Variants in FAM174A observed in about 807,000 individuals in gnomAD.
The protein encoded by FAM174A is family with sequence similarity 174 member A.
In FAM174A, 14 loss-of-function variants were observed where a neutral mutation model predicts 14.3. The ratio of observed to expected loss-of-function variants is 0.98; its 90% CI spans 0.65 to 1.53. The LOEUF (loss-of-function observed/expected upper bound fraction) is 1.53. FAM174A is among the 40% of genes most tolerant of loss of function. The pLI is 0.00. For synonymous variants in FAM174A, 108 were observed against 111.4 expected, an observed-to-expected ratio of 0.97 and a Z score of 0.19; for missense variants, 241 against 249.6, an observed-to-expected ratio of 0.97 and a Z score of 0.23.
intron 2 of FAM174A, among the ~76,000 whole-genome samples, chr5:100,580,430 G>A (rs1561325025): frequency 6.6e-6 from 1 of 152,168 alleles, no homozygotes; most frequent in African/African-American, 2.4e-5. Flanking sequence ...CCATGTGCAG[G>A]CTGAGGAGCA....
chr5:100,573,266 A>G (rs1561322842), intron 2 of FAM174A, among the ~76,000 whole-genome samples: 1 of 151,540 alleles, frequency 6.6e-6, no homozygotes, highest in Non-Finnish European at 1.5e-5. Flanking sequence ...ATTAGATCCC[A>G]TTTGTCAATT....
At chr5:100,536,646 G>A (rs2112359786) in intron 1 of FAM174A, among the ~76,000 whole-genome samples, 1 of 152,298 alleles carries the variant, frequency 6.6e-6, no homozygotes, top group East Asian at 1.9e-4. Context: ...AGCCAGCAAA[G>A]AGATAAGGTG....
chr5:100,549,956 A>G (rs535996755), intron 1 of FAM174A, among the ~76,000 whole-genome samples: 53 of 152,238 alleles, frequency 3.5e-4, no homozygotes, highest in African/African-American at 1.1e-3. Context: ...GATGGCAGGA[A>G]TATCTTTAGC....
chr5:100,541,519 A>G (rs928920719), intron 1 of FAM174A, among the ~76,000 whole-genome samples: 4 of 151,990 alleles, frequency 2.6e-5, no homozygotes, highest in African/African-American at 9.7e-5. Context: ...GAAGTATTGG[A>G]TGAGAGCTGT....
Position 100,581,323 on chromosome 5 carries a change from A to G in FAM174A, c.570-4858A>G, listed in dbSNP as rs565535504. ...AATCCTTAGCTACTTTTCTCATACCATATTGATTCTCCACTTTTTTCAGAC... is the reference window on the plus strand; with the variant it reads ...AATCCTTAGCTACTTTTCTCATACCGTATTGATTCTCCACTTTTTTCAGAC... On this transcript the variant is annotated intron_variant, in intron 2 of 2. Coordinates refer to ENST00000312637, the MANE Select transcript of FAM174A (RefSeq NM_198507.3). The G allele has an allele frequency of 1.2e-4, 119 of 956,866 alleles. No individual in the cohort carries two copies. The African/African-American group carries it at 1.9e-3, about 15-fold the overall frequency. 59.3% of individuals were successfully genotyped at this position (956,866 alleles called of 1,614,324 possible). A position where few individuals can be genotyped will look rare whatever the true frequency, so the allele number is the denominator to read the frequency against.
At chr5:100,585,028 A>G (rs1462285632) in intron 2 of FAM174A, among the ~76,000 whole-genome samples, 1 of 152,182 alleles carries the variant, frequency 6.6e-6, no homozygotes, top group African/African-American at 2.4e-5. Flanking sequence ...ATCATGAGAG[A>G]TCACTTTTAC....
At chr5:100,563,324 G>A (rs1253702734) in intron 2 of FAM174A, among the ~76,000 whole-genome samples, 1 of 151,420 alleles carries the variant, frequency 6.6e-6, no homozygotes, top group Non-Finnish European at 1.5e-5. Context: ...CATGCAAATG[G>A]TAACCAAAAC....
intron 1 of FAM174A, among the ~76,000 whole-genome samples, chr5:100,558,655 GCTCTTCTTGTTGAATTGATCCCTTTA>G (rs1746452243): frequency 6.6e-6 from 1 of 152,018 alleles, no homozygotes; most frequent in Non-Finnish European, 1.5e-5. Flanking sequence ...AGGATAGTTA[GCTCTTCTTGTTGAATTGATCCCTTTA>G]CCATTATGTA....
intron 1 of FAM174A, among the ~76,000 whole-genome samples, chr5:100,555,535 A>C (rs1040155012): frequency 1.4e-4 from 22 of 152,172 alleles, no homozygotes; most frequent in African/African-American, 4.8e-4. Context: ...ACTAGTTTAC[A>C]GTCCCACCAA....
intron 2 of FAM174A, among the ~76,000 whole-genome samples, chr5:100,580,486 T>C (rs555027132): frequency 7.2e-5 from 11 of 152,328 alleles, no homozygotes; most frequent in African/African-American, 2.6e-4. Context: ...TGGAGTCCGA[T>C]ATTCGACGAC....
chr5:100,573,379 GT>G (rs764359436), intron 2 of FAM174A, among the ~76,000 whole-genome samples: 12,316 of 151,778 alleles, frequency 0.081, 745 homozygotes, highest in African/African-American at 0.17. Context: ...GGTTTTTATG[GT>G]TTTAGGTCTA....
intron 1 of FAM174A, among the ~76,000 whole-genome samples, chr5:100,555,146 T>C (rs1014518521): frequency 1.8e-4 from 28 of 152,118 alleles, no homozygotes; most frequent in African/African-American, 6.8e-4. Flanking sequence ...TTCTCATTGT[T>C]CAATTCCCAG....
chr5:100,564,506 AAATTAGCAGAACGAGGGAAAT>A (rs1158868950), intron 2 of FAM174A, among the ~76,000 whole-genome samples: 2 of 151,914 alleles, frequency 1.3e-5, no homozygotes, highest in Non-Finnish European at 2.9e-5. Flanking sequence ...CCTAAGCCTA[AAATTAGCAGAACGAGGGAAAT>A]AATTAAGATT....
intron 2 of FAM174A, among the ~76,000 whole-genome samples, chr5:100,566,631 G>T (rs545987379): frequency 6.6e-5 from 10 of 151,914 alleles, no homozygotes; most frequent in African/African-American, 2.4e-4. Context: ...AGAGGTGATG[G>T]ATATGTTGAT....
intron 2 of FAM174A, among the ~76,000 whole-genome samples, chr5:100,572,472 G>A (rs183877009): frequency 0.14 from 20,046 of 142,368 alleles, 2,861 homozygotes; most frequent in African/African-American, 0.38. Flanking sequence ...TCATTGTTCA[G>A]TTCCCACCTA....
intron 2 of FAM174A, among the ~76,000 whole-genome samples, chr5:100,576,806 G>C (rs1260397551): frequency 6.6e-6 from 1 of 152,116 alleles, no homozygotes; most frequent in Non-Finnish European, 1.5e-5. Context: ...AATTTTGTTA[G>C]TTAGAGGCAA....
At chr5:100,546,683 A>G (rs1009957320) in intron 1 of FAM174A, among the ~76,000 whole-genome samples, 4 of 152,210 alleles carry the variant, frequency 2.6e-5, no homozygotes, top group African/African-American at 7.2e-5. Context: ...GAGCTGCACT[A>G]TCTCCCTGTG....
At chr5:100,569,062 C>T (rs1317001884) in intron 2 of FAM174A, among the ~76,000 whole-genome samples, 1 of 151,848 alleles carries the variant, frequency 6.6e-6, no homozygotes, top group Non-Finnish European at 1.5e-5. Context: ...GTATACTTTC[C>T]ACTCTCTACT....
chr5:100,566,141 G>GATATATATAAT (rs1746641248), intron 2 of FAM174A, among the ~76,000 whole-genome samples: 1 of 81,810 alleles, frequency 1.2e-5, no homozygotes, highest in African/African-American at 4.1e-5. Context: ...TGAAAAGTAT[G>GATATATATAAT]ATATATATAT....
Sources: gnomAD v4.1 joint callset for allele counts (sites outside exome capture counted in the v4.1 genomes callset) on GRCh38, gnomAD v4.1.1 for gene constraint, MANE v1.5 for transcripts, NCBI Gene and HGNC (gene_info 2026-07-23, HGNC 2026-07-21) for gene names.